Variants in ZSCAN20 observed in about 807,000 individuals in gnomAD.
ZSCAN20 encodes zinc finger and SCAN domain containing 20, also known as zinc finger and SCAN domain-containing protein 20.
Under a neutral mutation model 97.1 loss-of-function variants are expected in ZSCAN20, and 39 were observed. That is an observed-to-expected ratio of 0.40 (90% CI 0.31 to 0.52). The LOEUF is 0.52. ZSCAN20 is among the 20% of genes least tolerant of loss of function. The probability of loss-of-function intolerance (pLI) is 0.49; values close to 1 mark genes in which losing one functional copy is unlikely to be tolerated. For synonymous variants in ZSCAN20, 456 were observed against 467.3 expected (o/e 0.98, Z 0.31); for missense variants, 1,115 against 1,290.4 (o/e 0.86, Z 2.08).
At position 33,488,554 on chromosome 1, in the gene ZSCAN20, T is replaced by G. The variant is rs944005379; in HGVS notation, c.507T>G (p.Pro169=). 1 of 1,613,722 alleles carries G rather than the reference T, an allele frequency of 6.2e-7. No individual in the cohort carries two copies. The highest frequency in any genetic ancestry group is 1.3e-5 in the African/African-American group (1 of 74,890). Residue 169 remains proline (P), a synonymous_variant, in exon 3 of 8, where the codon CCT becomes CCG. Transcript: ENST00000684572. ...AGCTGCAGCCAGTGGATCCCTGGCC[T>G]GAGGGACAGTCCCAGAAGAAGGGGG... ...SFQLQPVDPW[P]EGQSQKKGVK... is the part of the protein sequence containing the mutation.
intron 2 of ZSCAN20, among the ~76,000 whole-genome samples, chr1:33,480,042 T>A (rs1334376317): frequency 6.6e-6 from 1 of 152,204 alleles, no homozygotes; most frequent in Non-Finnish European, 1.5e-5. Context: ...CTAAAGCTGG[T>A]ATGCCTAACC....
In ZSCAN20 at chr1:33,491,540, C is replaced by A. The variant is rs796404144; in HGVS notation, c.1282C>A (p.Pro428Thr). The A allele has an allele frequency of 9.9e-6, 16 of 1,614,064 alleles. No homozygotes were observed. Among genetic ancestry groups the A allele is most frequent in the Non-Finnish European group, 1.4e-5 (16 of 1,179,936 alleles). ...TDGPGEAVAL[P>T]RLGYSDAEMD... ...TGGCCCAGGAGAGGCCGTGGCACTTCCCAGGCTCGGGTATAGTGACGCAGA... is the reference window on the plus strand; with the variant it reads ...TGGCCCAGGAGAGGCCGTGGCACTTACCAGGCTCGGGTATAGTGACGCAGA... The change falls in exon 6 of 8, where the codon CCC becomes ACC. Residue 428 changes from proline to threonine, a missense_variant. Physicochemically the swap from Pro to Thr is conservative, Grantham distance 38. Coordinates refer to ENST00000684572, the MANE Select transcript of ZSCAN20 (RefSeq NM_001377376.1). This position sits in a 1 kb window ranked among gnomAD's most constrained non-coding sequence, Gnocchi z 4.3.
In ZSCAN20 at chr1:33,497,221, T is replaced by G. The variant is rs1652903467; in HGVS notation, c.*1745T>G. 6.6e-6 allele frequency among the ~76,000 whole-genome samples: 1 copy of G among 152,176 alleles called. No individual in the cohort carries two copies. The highest frequency in any genetic ancestry group is 1.9e-4 in the East Asian group (1 of 5,198). ...CCCTTCCCCTGCTTCAGAACCTCCT[T>G]TCCCAAGAACCAGCCCCACTAGGAT... On this transcript the variant is annotated 3_prime_UTR_variant, in exon 8 of 8. Coordinates refer to ENST00000684572, the MANE Select transcript of ZSCAN20 (RefSeq NM_001377376.1).
intron 6 of ZSCAN20, chr1:33,492,299 C>T (rs1013342684): frequency 1.3e-5 from 2 of 152,274 alleles, no homozygotes; most frequent in Non-Finnish European, 2.9e-5. Context: ...GGTTTTCCCT[C>T]CACCATGTTG....
At chr1:33,490,877 T>C (rs1652575987) in intron 5 of ZSCAN20, 148 bp from the exon 6 acceptor site, 1 of 672,638 alleles carries the variant, frequency 1.5e-6, no homozygotes. Flanking sequence ...CTCTTCTCTC[T>C]CCCTATTCCT....
chr1:33,481,675 T>C (rs16835511), intron 2 of ZSCAN20, among the ~76,000 whole-genome samples: 15,975 of 152,166 alleles, frequency 0.1, 925 homozygotes, highest in Non-Finnish European at 0.13. Context: ...GGATGAAATA[T>C]AGTTATAATA....
chr1:33,488,260 C>T (rs1652446104), intron 2 of ZSCAN20, among the ~76,000 whole-genome samples: 1 of 152,154 alleles, frequency 6.6e-6, no homozygotes, highest in Non-Finnish European at 1.5e-5. Context: ...ACTTGGATCG[C>T]CACCCTGTGT....
At chr1:33,474,596 G>A (rs1651852270) in intron 1 of ZSCAN20, among the ~76,000 whole-genome samples, 7 of 152,196 alleles carry the variant, frequency 4.6e-5, no homozygotes, top group Admixed American at 4.6e-4. Context: ...TCTGGATATT[G>A]GAAGAGAGCT....
Position 33,493,658 on chromosome 1 carries a change from G to A in ZSCAN20, c.1873+43G>A, listed in dbSNP as rs542649852. The A allele has an allele frequency of 3.3e-5, 50 of 1,507,856 alleles. No individual in the cohort carries two copies. The East Asian group carries it at 5.5e-4, about 16-fold the overall frequency. 93.4% of individuals were successfully genotyped at this position (1,507,856 alleles called of 1,614,324 possible). ...GGATGTTCTCAAAATCTGTGGGCATGTGGAGAGAATGAGGAAGCCAGGCTC... is the reference window on the plus strand; with the variant it reads ...GGATGTTCTCAAAATCTGTGGGCATATGGAGAGAATGAGGAAGCCAGGCTC... On this transcript the variant is annotated intron_variant, in intron 7 of 7. Transcript: ENST00000684572. The surrounding 1 kb of genome is among the most constrained non-coding windows in gnomAD (Gnocchi z 4.3).
rs1287878436 is a variant in ZSCAN20, at chr1:33,495,471, T to C, written c.3127T>C (p.Ser1043Pro). 6.6e-7 allele frequency: 1 copy of C among 1,517,576 alleles called. No homozygotes were observed. The highest frequency in any genetic ancestry group is 2.3e-5 in the East Asian group (1 of 44,010). 94.0% of individuals were successfully genotyped at this position (1,517,576 alleles called of 1,614,324 possible). Residue 1043 changes from serine to proline, a missense_variant, in exon 8 of 8, where the codon TCG becomes CCG. Physicochemically the swap from Ser to Pro is moderately conservative, Grantham distance 74 (BLOSUM62 -1). Transcript: ENST00000684572. ...GAGAACCCATGCAGGAGGGAAGGCG[T>C]CGTAGGGGACAGTTTCCTCAACAAC... The part of the protein sequence containing the change: ...HRRTHAGGKA[S>P]
chr1:33,490,812 CAAAT>C (rs1652573197), intron 5 of ZSCAN20, among the ~76,000 whole-genome samples: 2 of 152,264 alleles, frequency 1.3e-5, no homozygotes, highest in South Asian at 4.1e-4. Context: ...CAACAACAAA[CAAAT>C]GAACAAAGTA....
rs1474698950 is a variant in ZSCAN20, at chr1:33,493,487, G to A, written c.1745G>A (p.Arg582Gln). Reference protein sequence around the residue: ...RAAVRAMGTVREAAGLPRCGQ... With the variant: ...RAAVRAMGTVQEAAGLPRCGQ... ...GCAGTCAGGGCCATGGGGACTGTCC[G>A]AGAGGCTGCAGGTCTCCCTAGGTGT... Residue 582 changes from arginine (R) to glutamine (Q), a missense_variant, in exon 7 of 8, where the codon CGA (arginine) becomes CAA (glutamine). Arg to Gln is a conservative substitution (Grantham distance 43, BLOSUM62 1). Transcript: ENST00000684572. This position sits in a 1 kb window ranked among gnomAD's most constrained non-coding sequence, Gnocchi z 4.3. 1.2e-5 allele frequency: 19 copies of A among 1,614,098 alleles called. No individual in the cohort carries two copies. The highest frequency in any genetic ancestry group is 8.0e-5 in the African/African-American group (6 of 74,940).
chr1:33,477,124 C>T (rs1651967612), intron 1 of ZSCAN20, among the ~76,000 whole-genome samples: 1 of 151,944 alleles, frequency 6.6e-6, no homozygotes. Context: ...ATCAGGGAGG[C>T]AATTCTTGGA....
rs1317330001 is a variant in ZSCAN20, at chr1:33,499,260, T to TG, written c.*3785dup. ...TGGGTGTGGGTGTTGCAGGTGAACTTGCCTCACCCAGGCTGTTCTGGGTCT... is the reference window on the plus strand; with the variant it reads ...TGGGTGTGGGTGTTGCAGGTGAACTTGGCCTCACCCAGGCTGTTCTGGGTCT... On this transcript the variant is annotated 3_prime_UTR_variant, in exon 8 of 8. Transcript: ENST00000684572. Among the ~76,000 whole-genome samples the TG allele has an allele frequency of 6.6e-6, 1 of 152,194 alleles. No homozygotes were observed. The highest frequency in any genetic ancestry group is 2.4e-5 in the African/African-American group (1 of 41,448).
intron 1 of ZSCAN20, among the ~76,000 whole-genome samples, chr1:33,478,771 T>C (rs1451741589): frequency 1.3e-5 from 2 of 152,120 alleles, no homozygotes; most frequent in African/African-American, 4.8e-5. Flanking sequence ...GGTTGGACTT[T>C]GGACATGTGT....
At chr1:33,488,162 G>A (rs1052432135) in intron 2 of ZSCAN20, among the ~76,000 whole-genome samples, 3 of 151,736 alleles carry the variant, frequency 2.0e-5, no homozygotes, top group Non-Finnish European at 4.4e-5. Flanking sequence ...TGATGCTTAT[G>A]GGTTATTTTT....
In ZSCAN20 at chr1:33,491,780, C is replaced by A; in HGVS notation, c.1444+78C>A. The A allele has an allele frequency of 7.0e-7, 1 of 1,419,346 alleles. No homozygotes were observed. Among genetic ancestry groups the A allele is most frequent in the Non-Finnish European group, 9.5e-7 (1 of 1,052,828 alleles). 87.9% of individuals were successfully genotyped at this position (1,419,346 alleles called of 1,614,324 possible). A position where few individuals can be genotyped will look rare whatever the true frequency, so the allele number is the denominator to read the frequency against. On this transcript the variant is annotated intron_variant, in intron 6 of 7. Transcript: ENST00000684572. This position sits in a 1 kb window ranked among gnomAD's most constrained non-coding sequence, Gnocchi z 4.3. ...AGACTGCTATTCCCTGAGGTCAGGGCACAGGCTGCAAGTCTGGATTGAAGC... is the reference window on the plus strand; with the variant it reads ...AGACTGCTATTCCCTGAGGTCAGGGAACAGGCTGCAAGTCTGGATTGAAGC...
At chr1:33,480,750 T>C (rs955623205) in intron 2 of ZSCAN20, among the ~76,000 whole-genome samples, 3 of 152,240 alleles carry the variant, frequency 2.0e-5, no homozygotes, top group Non-Finnish European at 4.4e-5. Context: ...GGATTTAACA[T>C]TCGCAGTTTC....
chr1:33,486,754 A>G (rs747252322), intron 2 of ZSCAN20, among the ~76,000 whole-genome samples: 1 of 152,216 alleles, frequency 6.6e-6, no homozygotes, highest in African/African-American at 2.4e-5. Context: ...TAATGATAAC[A>G]AAGTGAATTT....
Sources: gnomAD v4.1 joint callset for allele counts (sites outside exome capture counted in the v4.1 genomes callset) on GRCh38, gnomAD v4.1.1 for gene constraint, Gnocchi (gnomAD v3.1) non-coding constraint, MANE v1.5 for transcripts, NCBI Gene and HGNC (gene_info 2026-07-23, HGNC 2026-07-21) for gene names.